PTPRD: variants seen among roughly 807,000 people sequenced by gnomAD.
PTPRD encodes protein tyrosine phosphatase receptor type D.
In PTPRD, 34 loss-of-function variants were observed where a neutral mutation model predicts 214.5. That is an observed-to-expected ratio of 0.16 (90% CI 0.12 to 0.21). The LOEUF (loss-of-function observed/expected upper bound fraction) is 0.21, where lower values mean the gene tolerates loss of function less well. PTPRD is among the 10% of genes least tolerant of loss of function. PTPRD has a pLI of 1.00. For missense variants in PTPRD, 2,545 were observed against 2,398.7 expected (o/e 1.06, Z -1.27); for synonymous variants, 1,128 against 845.7 (o/e 1.33, Z -5.79).
At chr9:9,486,581 T>C (rs1217605782) in intron 8 of PTPRD, among the ~76,000 whole-genome samples, 3 of 152,090 alleles carry the variant, frequency 2.0e-5, no homozygotes, top group African/African-American at 7.2e-5. Context: ...GCCCCTTCCT[T>C]CTCAAATGTT....
At chr9:8,782,395 A>G (rs2095752738) in intron 11 of PTPRD, among the ~76,000 whole-genome samples, 2 of 152,160 alleles carry the variant, frequency 1.3e-5, no homozygotes, top group South Asian at 2.1e-4. Flanking sequence ...AGTTTACAAT[A>G]CATTGTTATT....
chr9:9,909,400 T>C (rs1247766402), intron 5 of PTPRD, among the ~76,000 whole-genome samples: 1 of 151,308 alleles, frequency 6.6e-6, no homozygotes, highest in Non-Finnish European at 1.5e-5. Context: ...GGAAGTAATA[T>C]TGGAAAGACT....
At chr9:10,530,905 A>G (rs1402182101) in intron 2 of PTPRD, among the ~76,000 whole-genome samples, 1 of 152,118 alleles carries the variant, frequency 6.6e-6, no homozygotes, top group Non-Finnish European at 1.5e-5. Context: ...TAAATCCACC[A>G]TAGTTATAAT....
intron 11 of PTPRD, among the ~76,000 whole-genome samples, chr9:8,833,356 T>C (rs2097337781): frequency 6.6e-6 from 1 of 152,054 alleles, no homozygotes; most frequent in Non-Finnish European, 1.5e-5. Context: ...ATATAAAAAG[T>C]AACAGGCAGA....
rs1458107674 is a variant in PTPRD, at chr9:8,713,652, C to A, written c.64+20128G>T. The A allele has an allele frequency of 2.0e-6, 3 of 1,508,242 alleles. No individual in the cohort carries two copies. The East Asian group carries it at 6.8e-5, about 34-fold the overall frequency. 93.4% of individuals were successfully genotyped at this position (1,508,242 alleles called of 1,614,324 possible). A position where few individuals can be genotyped will look rare whatever the true frequency, so the allele number is the denominator to read the frequency against. On this transcript the variant is annotated intron_variant, in intron 12 of 45. Transcript: ENST00000381196. The stretch of plus-strand genomic sequence containing the variant: ...TCACCCAGTGCTACCGAGACATGGG[C>A]GCCCGGCACCGCGCCCGGGCCCACT...
intron 5 of PTPRD, among the ~76,000 whole-genome samples, chr9:9,768,190 T>A (rs565852710): frequency 1.3e-5 from 2 of 152,138 alleles, no homozygotes; most frequent in Non-Finnish European, 2.9e-5. Flanking sequence ...GTTCCTTGGA[T>A]AGCTAATCAG....
intron 39 of PTPRD, among the ~76,000 whole-genome samples, chr9:8,364,337 T>C (rs569495270): frequency 6.6e-6 from 1 of 152,248 alleles, no homozygotes; most frequent in Non-Finnish European, 1.5e-5. Flanking sequence ...TTGGACAGTG[T>C]ACCACACACA....
In PTPRD at chr9:10,538,130, C is replaced by G. The variant is rs564695014; in HGVS notation, c.-600+74268G>C. 7.2e-4 allele frequency among the ~76,000 whole-genome samples: 110 copies of G among 152,054 alleles called. 1 individual carries two copies. The South Asian group carries it at 0.022, about 30-fold the overall frequency. On this transcript the variant is annotated intron_variant, in intron 2 of 45. Transcript: ENST00000381196. ...ATTGGCCCAGCTTGAATCACAGTGCCTATCCCTATCCAATCACTGTGTTCA... is the reference window on the plus strand; with the variant it reads ...ATTGGCCCAGCTTGAATCACAGTGCGTATCCCTATCCAATCACTGTGTTCA...
chr9:9,079,823 C>G (rs1317574598), intron 10 of PTPRD, among the ~76,000 whole-genome samples: 1 of 151,986 alleles, frequency 6.6e-6, no homozygotes, highest in Non-Finnish European at 1.5e-5. Context: ...GTGGTTATGA[C>G]AAAGGTAGAT....
intron 5 of PTPRD, among the ~76,000 whole-genome samples, chr9:9,934,053 A>G (rs904987121): frequency 2.7e-5 from 4 of 149,254 alleles, no homozygotes; most frequent in Non-Finnish European, 5.9e-5. Flanking sequence ...ACAACATACC[A>G]GAATCTCTGG....
intron 9 of PTPRD, among the ~76,000 whole-genome samples, chr9:9,278,548 T>C (rs1024078554): frequency 1.3e-5 from 2 of 151,224 alleles, no homozygotes; most frequent in African/African-American, 4.8e-5. Context: ...AGATGAGGGA[T>C]TTGGGAAAAG....
chr9:8,675,620 C>G (rs2097393713), intron 12 of PTPRD, among the ~76,000 whole-genome samples: 1 of 147,792 alleles, frequency 6.8e-6, no homozygotes, highest in Non-Finnish European at 1.5e-5. Flanking sequence ...AGTTCCTATC[C>G]AAGACATGAT....
chr9:10,183,588 ATTTC>A (rs2099313204), intron 3 of PTPRD, among the ~76,000 whole-genome samples: 1 of 152,182 alleles, frequency 6.6e-6, no homozygotes, highest in Non-Finnish European at 1.5e-5. Context: ...GATTTATTTA[ATTTC>A]TTTCTTTTTT....
intron 39 of PTPRD, among the ~76,000 whole-genome samples, chr9:8,359,070 T>C (rs1159076716): frequency 4.5e-5 from 5 of 112,264 alleles, no homozygotes; most frequent in Non-Finnish European, 8.2e-5. Flanking sequence ...ATTGCACCAC[T>C]GCACTCCCAC....
At chr9:8,849,472 G>A (rs956869443) in intron 11 of PTPRD, among the ~76,000 whole-genome samples, 4 of 151,970 alleles carry the variant, frequency 2.6e-5, no homozygotes, top group South Asian at 2.1e-4. Context: ...GTGATCCACC[G>A]GCCTCGGCCT....
intron 5 of PTPRD, among the ~76,000 whole-genome samples, chr9:9,932,993 G>A (rs552649482): frequency 3.1e-4 from 47 of 150,644 alleles, no homozygotes; most frequent in African/African-American, 9.0e-4. Flanking sequence ...CATAAGTGAA[G>A]GAGAAATAAA....
At chr9:10,251,027 CAACTAATTG>C (rs2092712254) in intron 3 of PTPRD, among the ~76,000 whole-genome samples, 2 of 151,980 alleles carry the variant, frequency 1.3e-5, no homozygotes, top group South Asian at 4.2e-4. Context: ...TAATACCTAC[CAACTAATTG>C]AATTAGAGGG....
At chr9:10,221,067 T>A (rs1174062236) in intron 3 of PTPRD, among the ~76,000 whole-genome samples, 1 of 152,022 alleles carries the variant, frequency 6.6e-6, no homozygotes, top group Non-Finnish European at 1.5e-5. Flanking sequence ...TTTCTTTTCC[T>A]CCATACAGTT....
chr9:9,516,370 G>C (rs1055490036), intron 8 of PTPRD, among the ~76,000 whole-genome samples: 1 of 151,954 alleles, frequency 6.6e-6, no homozygotes, highest in Admixed American at 6.6e-5. Context: ...AGTTATGACA[G>C]CCTCTACGTT....
Sources: gnomAD v4.1 joint callset for allele counts (sites outside exome capture counted in the v4.1 genomes callset) on GRCh38, gnomAD v4.1.1 for gene constraint, MANE v1.5 for transcripts, NCBI Gene and HGNC (gene_info 2026-07-23, HGNC 2026-07-21) for gene names.